Variants in GATAD2A observed in about 807,000 individuals in gnomAD.
GATAD2A encodes GATA zinc finger domain containing 2A.
In GATAD2A, 12 loss-of-function variants were observed where a neutral mutation model predicts 68.5. That is an observed-to-expected ratio of 0.18 (90% CI 0.11 to 0.28). GATAD2A has a LOEUF of 0.28. GATAD2A is among the 10% of genes least tolerant of loss of function. GATAD2A has a pLI of 1.00. For synonymous variants in GATAD2A, 410 were observed against 375.3 expected, an observed-to-expected ratio of 1.09 and a Z score of -1.07; for missense variants, 755 against 868.5, an observed-to-expected ratio of 0.87 and a Z score of 1.64.
chr19:19,502,403 A>G lies in GATAD2A; in HGVS notation c.1651A>G (p.Lys551Glu), dbSNP rs1319027904. ...GVLHTFSPSP[K>E]LQNSASATAL... ...CCTGCACACGTTCAGTCCGTCACCC[A>G]AACTGCAGAACTCAGCCTCGGCCAC... Residue 551 changes from lysine (K) to glutamate (E), a missense_variant, in exon 11 of 12, where the codon AAA becomes GAA. Coordinates refer to ENST00000683918, the MANE Select transcript of GATAD2A (RefSeq NM_001384528.1). 1.9e-6 allele frequency: 3 copies of G among 1,613,640 alleles called. No homozygotes were observed. The highest frequency in any genetic ancestry group is 8.5e-7 in the Non-Finnish European group (1 of 1,179,942).
At chr19:19,435,199 C>T (rs746623676) in intron 1 of GATAD2A, 1 of 493,738 alleles carries the variant, frequency 2.0e-6, no homozygotes, top group South Asian at 1.5e-5. Context: ...GGAACATACT[C>T]CTAAGTACCT....
chr19:19,461,720 G>T (rs892740965), intron 1 of GATAD2A, among the ~76,000 whole-genome samples: 2 of 152,232 alleles, frequency 1.3e-5, no homozygotes, highest in Non-Finnish European at 2.9e-5. Context: ...TATCAGAGGA[G>T]ACCGATGCCC....
At chr19:19,462,281 C>T (rs570986725) in intron 1 of GATAD2A, among the ~76,000 whole-genome samples, 1 of 152,356 alleles carries the variant, frequency 6.6e-6, no homozygotes, top group South Asian at 2.1e-4. Flanking sequence ...CACCTGCCCT[C>T]CCCAGGAGCA....
At chr19:19,437,052 T>A (rs1026932433) in intron 1 of GATAD2A, among the ~76,000 whole-genome samples, 2 of 152,226 alleles carry the variant, frequency 1.3e-5, no homozygotes, top group Non-Finnish European at 2.9e-5. Flanking sequence ...AATATGGGCA[T>A]AGTCAGGTAA....
At chr19:19,443,442 GAT>G (rs1281122651) in intron 1 of GATAD2A, among the ~76,000 whole-genome samples, 1 of 152,238 alleles carries the variant, frequency 6.6e-6, no homozygotes, top group Non-Finnish European at 1.5e-5. Context: ...ATTCCAGCCA[GAT>G]ATGACTCCAA....
At chr19:19,465,188 G>A (rs949180554) in intron 1 of GATAD2A, among the ~76,000 whole-genome samples, 152 bp from the exon 2 acceptor site, 1 of 152,190 alleles carries the variant, frequency 6.6e-6, no homozygotes, top group Non-Finnish European at 1.5e-5. Flanking sequence ...AATGTCCTGG[G>A]GATGCTTTTC....
intron 1 of GATAD2A, among the ~76,000 whole-genome samples, chr19:19,407,214 T>C (rs2050382171): frequency 6.6e-6 from 1 of 152,212 alleles, no homozygotes; most frequent in Non-Finnish European, 1.5e-5. Context: ...ACTCTTCTGG[T>C]AGTCGTTACA....
intron 2 of GATAD2A, among the ~76,000 whole-genome samples, chr19:19,490,995 GC>G (rs1247501540): frequency 1.3e-5 from 2 of 152,232 alleles, no homozygotes; most frequent in Non-Finnish European, 2.9e-5. Flanking sequence ...TTTGGGACTT[GC>G]GTTGGGTCAG....
At chr19:19,432,191 T>G (rs1246640859) in intron 1 of GATAD2A, among the ~76,000 whole-genome samples, 1 of 152,126 alleles carries the variant, frequency 6.6e-6, no homozygotes, top group Non-Finnish European at 1.5e-5. Context: ...TCCAGGCTGG[T>G]CTTGAGCTCC....
At chr19:19,413,710 G>T (rs886175784) in intron 1 of GATAD2A, among the ~76,000 whole-genome samples, 1 of 151,958 alleles carries the variant, frequency 6.6e-6, no homozygotes, top group African/African-American at 2.4e-5. Context: ...TCAGCCTCCC[G>T]AGTAGTTAGG....
At chr19:19,457,903 C>T (rs911987448) in intron 1 of GATAD2A, among the ~76,000 whole-genome samples, 3 of 152,258 alleles carry the variant, frequency 2.0e-5, no homozygotes, top group South Asian at 2.1e-4. Context: ...GACACATGCC[C>T]GTCTCCAACT....
Position 19,490,529 on chromosome 19 carries a change from T to G in GATAD2A, c.270-1777T>G, listed in dbSNP as rs1033748361. ...TTTGAGCTGCGGCAACCAGTTAACT[T>G]TGTCCGAGTTTGTTCTCTGGGTCAC... On this transcript the variant is annotated intron_variant, in intron 2 of 11. Transcript: ENST00000683918. Among the ~76,000 whole-genome samples the G allele has an allele frequency of 1.9e-4, 29 of 152,106 alleles. 1 individual carries two copies. Among genetic ancestry groups the G allele is most frequent in the Admixed American group, 9.8e-4 (15 of 15,278 alleles).
At chr19:19,498,422 C>CT (rs539352976) in intron 7 of GATAD2A, 21 bp from the exon 8 acceptor site, 572 of 1,593,744 alleles carry the variant, frequency 3.6e-4, no homozygotes, top group Non-Finnish European at 4.7e-4. Context: ...AGCGCCCTGA[C>CT]TGAGTTTTTG....
chr19:19,462,243 C>T (rs537304444), intron 1 of GATAD2A, among the ~76,000 whole-genome samples: 14 of 152,288 alleles, frequency 9.2e-5, no homozygotes, highest in South Asian at 2.1e-4. Flanking sequence ...CCGCTTGCTT[C>T]GAGGAGGGAG....
chr19:19,469,433 A>AAAAAAAAAAAG (rs1027977197), intron 2 of GATAD2A, among the ~76,000 whole-genome samples: 4 of 151,748 alleles, frequency 2.6e-5, no homozygotes, highest in South Asian at 2.1e-4. Flanking sequence ...CTCCATCTCA[A>AAAAAAAAAAAG]AAAAAAAGAA....
At chr19:19,395,380 A>G (rs1382311933) in intron 1 of GATAD2A, among the ~76,000 whole-genome samples, 4 of 152,110 alleles carry the variant, frequency 2.6e-5, no homozygotes, top group Admixed American at 2.0e-4. Context: ...ACTTGAACCC[A>G]GGAGGCGGGG....
chr19:19,459,648 A>G (rs925204722), intron 1 of GATAD2A, among the ~76,000 whole-genome samples: 1 of 152,246 alleles, frequency 6.6e-6, no homozygotes, highest in African/African-American at 2.4e-5. Flanking sequence ...CTGCATGGAC[A>G]TCTTTGATAA....
chr19:19,467,424 T>C (rs1444811221), intron 2 of GATAD2A, among the ~76,000 whole-genome samples: 1 of 152,192 alleles, frequency 6.6e-6, no homozygotes, highest in Non-Finnish European at 1.5e-5. Context: ...TCATGCTTGC[T>C]TGCTGCCACT....
chr19:19,425,294 C>G (rs1249454078), intron 1 of GATAD2A, among the ~76,000 whole-genome samples: 1 of 152,128 alleles, frequency 6.6e-6, no homozygotes, highest in African/African-American at 2.4e-5. Flanking sequence ...GAGGCAGTGT[C>G]TTCTGCCAGA....
Sources: allele counts gnomAD v4.1 joint callset (sites outside exome capture counted in the v4.1 genomes callset), GRCh38; gene constraint gnomAD v4.1.1; transcripts MANE v1.5; gene names NCBI Gene and HGNC (gene_info 2026-07-23, HGNC 2026-07-21).